The following MTMR3 variants were observed in gnomAD, a reference collection of about 807,000 sequenced individuals.
MTMR3 encodes the protein phosphatidylinositol-3,5-bisphosphate 3-phosphatase MTMR3.
Under a neutral mutation model 132.4 loss-of-function variants are expected in MTMR3, and 32 were observed. That is an observed-to-expected ratio of 0.24 (90% CI 0.18 to 0.32). MTMR3 has a LOEUF of 0.32. MTMR3 is among the 10% of genes least tolerant of loss of function. MTMR3 has a pLI of 1.00. For missense variants in MTMR3, 1,216 were observed against 1,489.6 expected, an observed-to-expected ratio of 0.82 and a Z score of 3.02; for synonymous variants, 556 against 550.3, an observed-to-expected ratio of 1.01 and a Z score of -0.14.
At chr22:29,936,880 G>A (rs2065760144) in intron 1 of MTMR3, among the ~76,000 whole-genome samples, 1 of 151,974 alleles carries the variant, frequency 6.6e-6, no homozygotes, top group Non-Finnish European at 1.5e-5. Flanking sequence ...TAAAAAATAT[G>A]GCCCCTCATG....
At chr22:29,903,147 C>G (rs2065032106) in intron 1 of MTMR3, among the ~76,000 whole-genome samples, 1 of 152,164 alleles carries the variant, frequency 6.6e-6, no homozygotes. Flanking sequence ...ATCACTTGAA[C>G]CCAGGAGGCG....
chr22:29,966,726 C>CGTGTGTGTGTGTGTGTGT (rs55960706), intron 2 of MTMR3, among the ~76,000 whole-genome samples: 2 of 142,854 alleles, frequency 1.4e-5, no homozygotes, highest in African/African-American at 5.1e-5. Flanking sequence ...TAGGGGTGTG[C>CGTGTGTGTGTGTGTGTGT]GTGTGTGTGT....
intron 1 of MTMR3, among the ~76,000 whole-genome samples, chr22:29,890,551 A>G (rs1462498662): frequency 6.6e-6 from 1 of 152,042 alleles, no homozygotes; most frequent in African/African-American, 2.4e-5. Context: ...ATTAGGTCAA[A>G]CGGTACGTGT....
intron 1 of MTMR3, among the ~76,000 whole-genome samples, chr22:29,897,905 G>T (rs2064934339): frequency 6.6e-6 from 1 of 151,998 alleles, no homozygotes. Flanking sequence ...GTAGTATTGG[G>T]TTTCAAATTT....
intron 1 of MTMR3, among the ~76,000 whole-genome samples, chr22:29,922,938 G>C (rs1292076827): frequency 6.6e-6 from 1 of 150,994 alleles, no homozygotes; most frequent in East Asian, 1.9e-4. Context: ...ACCCAGACTG[G>C]AGTGCGGTGG....
intron 1 of MTMR3, among the ~76,000 whole-genome samples, chr22:29,888,673 C>T (rs562138430): frequency 1.3e-5 from 2 of 151,732 alleles, no homozygotes; most frequent in Non-Finnish European, 2.9e-5. Context: ...CTGATAACTA[C>T]GGATATTCAG....
At position 29,908,891 on chromosome 22, in the gene MTMR3, A is replaced by G. The variant is rs150959220; in HGVS notation, c.-138+25532A>G. Among the ~76,000 whole-genome samples, 1,302 of 152,284 alleles carry G rather than the reference A, an allele frequency of 8.5e-3. 6 individuals are homozygous for G. Among genetic ancestry groups the G allele is most frequent in the Middle Eastern group, 0.02 (6 of 294 alleles). On this transcript the variant is annotated intron_variant, in intron 1 of 19. Transcript: ENST00000401950. ...ATTTCCAAAGTGCTGTCATTTATTTAATACATGTTTTCTCCAGAATGTGCT... is the reference window on the plus strand; with the variant it reads ...ATTTCCAAAGTGCTGTCATTTATTTGATACATGTTTTCTCCAGAATGTGCT...
chr22:29,914,350 A>G (rs2065270031), intron 1 of MTMR3, among the ~76,000 whole-genome samples: 1 of 152,154 alleles, frequency 6.6e-6, no homozygotes, highest in South Asian at 2.1e-4. Flanking sequence ...TTTCCAGATG[A>G]CTAATGATGA....
At chr22:29,916,036 A>G (rs1289635739) in intron 1 of MTMR3, among the ~76,000 whole-genome samples, 1 of 151,744 alleles carries the variant, frequency 6.6e-6, no homozygotes, top group Admixed American at 6.6e-5. Context: ...CCATTTTCCT[A>G]TCTTCTGTTC....
rs6006313 is a variant in MTMR3, at chr22:29,960,662, C to A, written c.-85+3574C>A. Among the ~76,000 whole-genome samples, 150 of 152,268 alleles carry A rather than the reference C, an allele frequency of 9.9e-4. 1 individual carries two copies. Among genetic ancestry groups the A allele is most frequent in the African/African-American group, 3.5e-3 (146 of 41,556 alleles). On this transcript the variant is annotated intron_variant, in intron 2 of 19. Transcript: ENST00000401950. ...TATATGCATTATATCTTAATTCTCA[C>A]AATTCTTTGATGCAATGATTGTTCT...
chr22:30,017,796 C>T lies in MTMR3; in HGVS notation c.1675-131C>T, dbSNP rs563619641. The T allele has an allele frequency of 2.1e-5, 24 of 1,144,556 alleles. No individual in the cohort carries two copies. In the South Asian group the frequency reaches 2.8e-4, roughly 13 times the overall value. The allele number at this position is 1,144,556 out of a possible 1,614,324, so 70.9% of individuals were successfully genotyped here. ...TGGGATAGACCTGTATCCATTGGTG[C>T]TGCTTCTTTGTGGAGATCCTGTCAG... On this transcript the variant is annotated intron_variant, in intron 15 of 19. Coordinates refer to ENST00000401950, the MANE Select transcript of MTMR3 (RefSeq NM_021090.4).
intron 5 of MTMR3, chr22:29,984,977 TGTA>T (rs1233677724): frequency 6.6e-6 from 1 of 152,168 alleles, no homozygotes; most frequent in Non-Finnish European, 1.5e-5. Context: ...TAGCTTATAG[TGTA>T]GTAGTTTAAC....
chr22:29,901,271 T>TA (rs1159529577), intron 1 of MTMR3, among the ~76,000 whole-genome samples: 1 of 151,264 alleles, frequency 6.6e-6, no homozygotes, highest in African/African-American at 2.4e-5. Flanking sequence ...TATATATATA[T>TA]TTTAATATTA....
chr22:29,912,008 G>T (rs944514153), intron 1 of MTMR3, among the ~76,000 whole-genome samples: 2 of 152,034 alleles, frequency 1.3e-5, no homozygotes, highest in African/African-American at 4.8e-5. Context: ...CATATAAAAG[G>T]GTCAGAAAGA....
intron 1 of MTMR3, among the ~76,000 whole-genome samples, chr22:29,939,467 T>G (rs1221134851): frequency 6.6e-6 from 1 of 152,222 alleles, no homozygotes; most frequent in Non-Finnish European, 1.5e-5. Context: ...GAGATAATCC[T>G]ATAAACCTTT....
intron 6 of MTMR3, 100 bp from the exon 7 acceptor site, chr22:29,991,404 C>A: frequency 8.2e-7 from 1 of 1,214,706 alleles, no homozygotes; most frequent in Non-Finnish European, 1.1e-6. Context: ...GTTGTAGTTC[C>A]CACTTCACTA....
chr22:30,003,175 C>T, intron 9 of MTMR3, 182 bp downstream of exon 9: 2 of 466,230 alleles, frequency 4.3e-6, no homozygotes, highest in Non-Finnish European at 7.7e-6. Flanking sequence ...TGACTGCATT[C>T]AGAACACTAG....
At chr22:29,953,596 A>G (rs1170015692) in intron 1 of MTMR3, among the ~76,000 whole-genome samples, 1 of 152,164 alleles carries the variant, frequency 6.6e-6, no homozygotes, top group Non-Finnish European at 1.5e-5. Context: ...ATGATATCCA[A>G]TACTGTAGTA....
intron 9 of MTMR3, chr22:30,004,114 G>A (rs2067228662): frequency 6.6e-6 from 1 of 152,176 alleles, no homozygotes; most frequent in Non-Finnish European, 1.5e-5. Flanking sequence ...TGGCCCAGTG[G>A]AACTCATTAC....
Sources: allele counts gnomAD v4.1 joint callset (sites outside exome capture counted in the v4.1 genomes callset), GRCh38; gene constraint gnomAD v4.1.1; transcripts MANE v1.5; gene names NCBI Gene and HGNC (gene_info 2026-07-23, HGNC 2026-07-21).